Variants in SUPT6H observed in about 807,000 individuals in gnomAD.
The protein encoded by SUPT6H is transcription elongation factor SPT6.
Under a neutral mutation model 222.3 loss-of-function variants are expected in SUPT6H, and 11 were observed. The ratio of observed to expected loss-of-function variants is 0.05; its 90% CI spans 0.03 to 0.08. The LOEUF is 0.08. SUPT6H is among the 10% of genes least tolerant of loss of function. SUPT6H has a pLI of 1.00. For missense variants in SUPT6H, 1,422 were observed against 2,216.0 expected (o/e 0.64, Z 7.19); for synonymous variants, 762 against 801.2 (o/e 0.95, Z 0.83).
Position 28,683,437 on chromosome 17 carries a change from G to C in SUPT6H, c.2033+15G>C. The C allele has an allele frequency of 6.2e-7, 1 of 1,613,594 alleles. No homozygotes were observed. The highest frequency in any genetic ancestry group is 1.7e-4 in the Middle Eastern group (1 of 6,054). ...GGAGTGGAAGGGTAAGCAGAGCCCT[G>C]GGCTGGCGACTCTCTGGGGAAGGCC... On this transcript the variant is annotated intron_variant, in intron 16 of 36. Coordinates refer to ENST00000314616, the MANE Select transcript of SUPT6H (RefSeq NM_003170.5).
intron 11 of SUPT6H, among the ~76,000 whole-genome samples, chr17:28,679,806 A>G (rs1567692158): frequency 2.0e-5 from 3 of 151,530 alleles, no homozygotes; most frequent in African/African-American, 7.3e-5. Context: ...CCTGGCCAAC[A>G]CAGTGAAACC....
Position 28,697,045 on chromosome 17 carries a change from C to T in SUPT6H, c.4172C>T (p.Ala1391Val), listed in dbSNP as rs1216877093. The T allele has an allele frequency of 6.8e-6, 11 of 1,613,886 alleles. No homozygotes were observed. Among genetic ancestry groups the T allele is most frequent in the Non-Finnish European group, 9.3e-6 (11 of 1,179,994 alleles). The change falls in exon 30 of 37, where the codon GCC becomes GTC. Residue 1391 changes from alanine (A) to valine (V), a missense_variant. This residue lies in a region of SUPT6H where 395 missense variants were observed against 580.6 expected (regional missense o/e 0.68). Transcript: ENST00000314616. ...VDVREEGKEN[A>V]FSLGATLWIN... ...GTGCGGGAGGAGGGCAAGGAAAATG[C>T]CTTCAGCCTGGGAGCCACTCTGTGG...
intron 12 of SUPT6H, 24 bp downstream of exon 12, chr17:28,681,428 AG>A: frequency 3.2e-6 from 5 of 1,565,782 alleles, no homozygotes; most frequent in Non-Finnish European, 4.3e-6. Context: ...AAGAAAATCC[AG>A]GAGATTTGAT....
chr17:28,697,903 C>T lies in SUPT6H; in HGVS notation c.4324-3C>T. 6.2e-7 allele frequency: 1 copy of T among 1,613,914 alleles called. No homozygotes were observed. Among genetic ancestry groups the T allele is most frequent in the Non-Finnish European group, 8.5e-7 (1 of 1,179,924 alleles). ...CAACCTCTCCCCCTCATTCTACCCC[C>T]AGAAATTAGAGGAGCTGCTCATCAA... On this transcript the variant is annotated splice_polypyrimidine_tract_variant and splice_region_variant and intron_variant, in intron 31 of 36. Transcript: ENST00000314616.
intron 2 of SUPT6H, 90 bp downstream of exon 2, chr17:28,673,600 A>G: frequency 1.0e-6 from 1 of 957,182 alleles, no homozygotes; most frequent in Non-Finnish European, 1.6e-6. Context: ...GGCTCAGCAC[A>G]GAAGTTATCA....
rs1567696671 is a variant in SUPT6H, at chr17:28,684,871, C to G, written c.2397C>G (p.Val799=). The part of the protein sequence containing the change: ...ARDHPVFCAL[V]NGEGEVTDFL... ...ATCACCCTGTGTTCTGCGCCCTGGT[C>G]AATGGTGAAGGAGAAGTGACAGACT... The change falls in exon 19 of 37, where the codon GTC becomes GTG. Residue 799 remains valine (V), a synonymous_variant. Transcript: ENST00000314616. 1.2e-6 allele frequency: 2 copies of G among 1,614,044 alleles called. No individual in the cohort carries two copies. Among genetic ancestry groups the G allele is most frequent in the East Asian group, 4.5e-5 (2 of 44,900 alleles).
intron 12 of SUPT6H, 52 bp from the exon 13 acceptor site, chr17:28,681,830 T>C: frequency 1.3e-6 from 2 of 1,515,442 alleles, no homozygotes; most frequent in Non-Finnish European, 1.8e-6. Context: ...TGTCAGATCC[T>C]TGGGAGTGAT....
rs2030750680 is a variant in SUPT6H, at chr17:28,676,445, GC to G, written c.897+17del. The G allele has an allele frequency of 1.2e-6, 2 of 1,612,868 alleles. No individual in the cohort carries two copies. The highest frequency in any genetic ancestry group is 1.3e-5 in the African/African-American group (1 of 74,864). On this transcript the variant is annotated intron_variant, in intron 7 of 36. Transcript: ENST00000314616. ...AGAGGTTCCAGGTAAAAAACCACCA[GC>G]CTCTGCTCTTCTACCAATCCATAAT...
chr17:28,691,180 AAAG>A, intron 27 of SUPT6H, 117 bp downstream of exon 27: 1 of 1,356,896 alleles, frequency 7.4e-7, no homozygotes, highest in Non-Finnish European at 1.0e-6. Flanking sequence ...ACAAGTACAC[AAAG>A]AAGGAAGACG....
At chr17:28,671,687 G>GT (rs2030426072) in intron 1 of SUPT6H, among the ~76,000 whole-genome samples, 1 of 152,172 alleles carries the variant, frequency 6.6e-6, no homozygotes, top group South Asian at 2.1e-4. Context: ...AGAAGATAAA[G>GT]TTGGGGTTGG....
intron 1 of SUPT6H, among the ~76,000 whole-genome samples, chr17:28,668,434 T>C (rs2030221008): frequency 6.6e-6 from 1 of 152,134 alleles, no homozygotes; most frequent in African/African-American, 2.4e-5. Context: ...AAGTCAGAAT[T>C]GCTTCTGGCA....
rs148266226 is a variant in SUPT6H at position 28,683,322 on chromosome 17, G to A, written c.1933G>A (p.Val645Ile). The change falls in exon 16 of 37, where the codon GTT becomes ATT. Residue 645 changes from valine (V) to isoleucine (I), a missense_variant. Val to Ile is a conservative substitution (Grantham distance 29, BLOSUM62 3). Coordinates refer to ENST00000314616, the MANE Select transcript of SUPT6H (RefSeq NM_003170.5). Reference protein sequence around the residue: ...YSFKYLKNKPVKELRDDQFLK... With the variant: ...YSFKYLKNKPIKELRDDQFLK... ...CTTCAAGTATTTAAAGAACAAGCCT[G>A]TTAAGGAACTGAGAGATGACCAGTT... is the stretch of plus-strand genomic sequence containing the variant. The A allele has an allele frequency of 1.2e-6, 2 of 1,614,218 alleles. No homozygotes were observed. The highest frequency in any genetic ancestry group is 2.2e-5 in the East Asian group (1 of 44,886).
In SUPT6H at chr17:28,681,952, G is replaced by A. The variant is rs757034333; in HGVS notation, c.1569G>A (p.Met523Ile). Reference sequence around the variant, plus strand: ...TCAAGCAAGCCTCTCGCCGAGACATGTACACCATCTGCCAGAGTGCTGGGC... The same window carrying A: ...TCAAGCAAGCCTCTCGCCGAGACATATACACCATCTGCCAGAGTGCTGGGC... ...PELKQASRRD[M>I]YTICQSAGLD... Residue 523 changes from methionine (M) to isoleucine (I), a missense_variant, in exon 13 of 37, where the codon ATG becomes ATA. Transcript: ENST00000314616. 2 of 1,608,126 alleles carry A rather than the reference G, an allele frequency of 1.2e-6. No individual in the cohort carries two copies. The highest frequency in any genetic ancestry group is 3.4e-5 in the Admixed American group (2 of 59,072).
chr17:28,692,024 T>TA (rs1314974100), intron 27 of SUPT6H, among the ~76,000 whole-genome samples: 1 of 150,876 alleles, frequency 6.6e-6, no homozygotes, highest in Non-Finnish European at 1.5e-5. Context: ...TCTCCTTTTT[T>TA]AAAAAAAGGG....
chr17:28,663,845 T>TTTTTTTTTTTTTTTTTTTTTA (rs2072115856), intron 1 of SUPT6H, among the ~76,000 whole-genome samples: 1 of 138,358 alleles, frequency 7.2e-6, no homozygotes. Context: ...TTTTTTTTTT[T>TTTTTTTTTTTTTTTTTTTTTA]GTGGAGACAG....
intron 21 of SUPT6H, 118 bp downstream of exon 21, chr17:28,686,907 T>C (rs1239452513): frequency 6.7e-7 from 1 of 1,483,022 alleles, no homozygotes; most frequent in Non-Finnish European, 9.0e-7. Flanking sequence ...TACTTATCCA[T>C]GCAGAAGTTC....
intron 16 of SUPT6H, 70 bp from the exon 17 acceptor site, chr17:28,683,550 TA>T: frequency 6.3e-7 from 1 of 1,587,132 alleles, no homozygotes; most frequent in Non-Finnish European, 8.6e-7. Context: ...CTGGCTTGCT[TA>T]GAATGTTCAT....
chr17:28,686,279 G>T (rs2031374788), intron 19 of SUPT6H, 60 bp from the exon 20 acceptor site: 1 of 1,490,048 alleles, frequency 6.7e-7, no homozygotes, highest in African/African-American at 1.4e-5. Flanking sequence ...TAGGGAGACA[G>T]AATTTCCTGA....
chr17:28,701,431 C>T lies in SUPT6H; in HGVS notation c.4995-8C>T. 6.2e-7 allele frequency: 1 copy of T among 1,610,772 alleles called. No homozygotes were observed. Among genetic ancestry groups the T allele is most frequent in the Non-Finnish European group, 8.5e-7 (1 of 1,177,444 alleles). On this transcript the variant is annotated splice_polypyrimidine_tract_variant and splice_region_variant and intron_variant, in intron 36 of 36. Transcript: ENST00000314616. Reference sequence around the variant, plus strand: ...AAGTCCCAATCTCAACTTTTCTTCCCCTCCCAGGTCCAACAGCCATGCAGC... The same window carrying T: ...AAGTCCCAATCTCAACTTTTCTTCCTCTCCCAGGTCCAACAGCCATGCAGC...
Sources: allele counts gnomAD v4.1 joint callset (sites outside exome capture counted in the v4.1 genomes callset), GRCh38; gene constraint gnomAD v4.1.1; regional missense constraint gnomAD v4.1.1; transcripts MANE v1.5; gene names NCBI Gene and HGNC (gene_info 2026-07-23, HGNC 2026-07-21).